Variants in PRR5L observed in about 807,000 individuals in gnomAD.
PRR5L encodes the protein proline rich 5 like.
Under a neutral mutation model 36.4 loss-of-function variants are expected in PRR5L, and 21 were observed. That is an observed-to-expected ratio of 0.58 (90% CI 0.41 to 0.83). The LOEUF is 0.83. Ranked by LOEUF, PRR5L falls within the 40% of genes least tolerant of loss-of-function variation. PRR5L has a pLI of 0.00. For missense variants in PRR5L, 381 were observed against 473.3 expected (o/e 0.80, Z 1.81); for synonymous variants, 188 against 197.0 (o/e 0.95, Z 0.38).
chr11:36,369,071 T>C (rs894605369), intron 1 of PRR5L, among the ~76,000 whole-genome samples: 5 of 151,848 alleles, frequency 3.3e-5, no homozygotes, highest in African/African-American at 1.2e-4. Flanking sequence ...AAAAGGAGGT[T>C]TGGGAATGAG....
intron 1 of PRR5L, among the ~76,000 whole-genome samples, chr11:36,309,967 CACCACCACCATCATCCCCACTACG>C (rs781168877): frequency 5.2e-5 from 8 of 152,424 alleles, no homozygotes; most frequent in Non-Finnish European, 8.8e-5. Context: ...TCCCCACTAC[CACCACCACCATCATCCCCACTACG>C]ACCACCACCA....
At chr11:36,389,584 A>G (rs1258113488) in intron 1 of PRR5L, among the ~76,000 whole-genome samples, 2 of 149,858 alleles carry the variant, frequency 1.3e-5, no homozygotes, top group African/African-American at 4.9e-5. Context: ...TTTCAGTACC[A>G]TGGTGTTTAC....
chr11:36,436,902 A>G (rs556533809), intron 5 of PRR5L, among the ~76,000 whole-genome samples: 2 of 152,342 alleles, frequency 1.3e-5, no homozygotes, highest in Admixed American at 1.3e-4. Flanking sequence ...AACAATTACT[A>G]TGTGATTTTA....
intron 6 of PRR5L, among the ~76,000 whole-genome samples, chr11:36,440,507 T>G (rs1040382734): frequency 2.0e-5 from 3 of 152,038 alleles, no homozygotes. Flanking sequence ...CCATGCCCAG[T>G]CTAGACCCAA....
At chr11:36,369,921 G>A (rs1181028602) in intron 1 of PRR5L, among the ~76,000 whole-genome samples, 1 of 152,140 alleles carries the variant, frequency 6.6e-6, no homozygotes, top group Non-Finnish European at 1.5e-5. Context: ...TATTTGGAAT[G>A]TTTCCTGTTC....
intron 6 of PRR5L, among the ~76,000 whole-genome samples, chr11:36,440,486 G>A (rs943641542): frequency 6.6e-6 from 1 of 152,142 alleles, no homozygotes; most frequent in African/African-American, 2.4e-5. Flanking sequence ...CCAGGTGAGT[G>A]CTATAACTAC....
chr11:36,377,376 G>A lies in PRR5L; in HGVS notation c.-125-23621G>A, dbSNP rs958872719. On this transcript the variant is annotated intron_variant, in intron 1 of 8. Coordinates refer to ENST00000530639, the MANE Select transcript of PRR5L (RefSeq NM_001160167.2). This position sits in a 1 kb window ranked among gnomAD's most constrained non-coding sequence, Gnocchi z 5.1. ...TGGGAGTCCGCAGTATCCCCCTTCCGTTTTATTTCTCCCGCCTGCCTTCCT... is the reference window on the plus strand; with the variant it reads ...TGGGAGTCCGCAGTATCCCCCTTCCATTTTATTTCTCCCGCCTGCCTTCCT... 6.6e-6 allele frequency: 1 copy of A among 152,236 alleles called. No individual in the cohort carries two copies. The highest frequency in any genetic ancestry group is 2.4e-5 in the African/African-American group (1 of 41,470). 9.4% of individuals were successfully genotyped at this position (152,236 alleles called of 1,614,324 possible).
chr11:36,302,261 C>T (rs10742368), intron 1 of PRR5L, among the ~76,000 whole-genome samples: 38 of 152,308 alleles, frequency 2.5e-4, no homozygotes, highest in African/African-American at 8.9e-4. Context: ...ATCCTTGAAG[C>T]GGGGATGGGG....
chr11:36,420,834 AACACAC>A lies in PRR5L; in HGVS notation c.294+1570_294+1575del, dbSNP rs58639707. On this transcript the variant is annotated intron_variant, in intron 4 of 8. Coordinates refer to ENST00000530639, the MANE Select transcript of PRR5L (RefSeq NM_001160167.2). ...AAAAGAATGACATGTCAGTTGTTTA[AACACAC>A]ACACACACACACACACACACACACA... Among the ~76,000 whole-genome samples the A allele has an allele frequency of 3.5e-3, 492 of 139,400 alleles. 2 individuals carry two copies. Among genetic ancestry groups the A allele is most frequent in the Admixed American group, 0.012 (162 of 13,738 alleles). 91.5% of individuals were successfully genotyped at this position (139,400 alleles called of 152,430 possible).
At chr11:36,345,452 G>T (rs1175074948) in intron 1 of PRR5L, among the ~76,000 whole-genome samples, 1 of 152,148 alleles carries the variant, frequency 6.6e-6, no homozygotes, top group South Asian at 2.1e-4. Context: ...ATTGTGCCCC[G>T]TGGATAGCAT....
chr11:36,441,800 C>G (rs1359058869), intron 6 of PRR5L, among the ~76,000 whole-genome samples: 2 of 152,138 alleles, frequency 1.3e-5, no homozygotes, highest in East Asian at 3.9e-4. Flanking sequence ...GCAAAGCCTC[C>G]TTCTCTTGTA....
At chr11:36,355,879 T>C (rs1857022196) in intron 1 of PRR5L, among the ~76,000 whole-genome samples, 1 of 151,682 alleles carries the variant, frequency 6.6e-6, no homozygotes, top group East Asian at 1.9e-4. Flanking sequence ...TTTTAACTAC[T>C]GAATTTACAA....
At chr11:36,438,310 G>A (rs1858647117) in intron 6 of PRR5L, among the ~76,000 whole-genome samples, 1 of 152,150 alleles carries the variant, frequency 6.6e-6, no homozygotes. Flanking sequence ...GGCTTCGTAT[G>A]TAATTAGGTA....
At chr11:36,320,137 G>A (rs763191481) in intron 1 of PRR5L, among the ~76,000 whole-genome samples, 33 of 152,076 alleles carry the variant, frequency 2.2e-4, no homozygotes, top group Non-Finnish European at 4.0e-4. Flanking sequence ...GACTTGTGTC[G>A]TCGTACCTCT....
At chr11:36,370,472 GTCTT>G (rs1565422063) in intron 1 of PRR5L, among the ~76,000 whole-genome samples, 2 of 152,134 alleles carry the variant, frequency 1.3e-5, no homozygotes, top group Non-Finnish European at 2.9e-5. Flanking sequence ...TAGAAACCTT[GTCTT>G]TCTTGTTCAC....
intron 1 of PRR5L, among the ~76,000 whole-genome samples, chr11:36,353,120 A>G (rs974618858): frequency 5.3e-5 from 8 of 152,154 alleles, no homozygotes; most frequent in African/African-American, 1.9e-4. Flanking sequence ...CCCACATTGT[A>G]GGATGTTTAG....
chr11:36,459,135 T>G (rs924458840), intron 8 of PRR5L, among the ~76,000 whole-genome samples: 3 of 152,180 alleles, frequency 2.0e-5, no homozygotes, highest in African/African-American at 7.2e-5. Flanking sequence ...GCCAGACCGG[T>G]TGCAGTGGCT....
At chr11:36,357,843 A>G (rs1281936411) in intron 1 of PRR5L, among the ~76,000 whole-genome samples, 1 of 152,250 alleles carries the variant, frequency 6.6e-6, no homozygotes, top group Non-Finnish European at 1.5e-5. Flanking sequence ...CAGCCCAGGG[A>G]TCAAGGAGTA....
chr11:36,409,006 C>T (rs1257928854), intron 3 of PRR5L, among the ~76,000 whole-genome samples: 2 of 151,958 alleles, frequency 1.3e-5, no homozygotes, highest in Non-Finnish European at 2.9e-5. Flanking sequence ...TGGTTTGTGT[C>T]TTGGAGATCT....
Sources: allele counts gnomAD v4.1 joint callset (sites outside exome capture counted in the v4.1 genomes callset), GRCh38; gene constraint gnomAD v4.1.1; non-coding constraint Gnocchi (gnomAD v3.1); transcripts MANE v1.5; gene names NCBI Gene and HGNC (gene_info 2026-07-23, HGNC 2026-07-21).